SBF2: variants seen among roughly 807,000 people sequenced by gnomAD.
The protein encoded by SBF2 is SET binding factor 2.
Under a neutral mutation model 225.2 loss-of-function variants are expected in SBF2, and 112 were observed. That is an observed-to-expected ratio of 0.50 (90% confidence interval 0.43 to 0.58). The LOEUF (loss-of-function observed/expected upper bound fraction) is 0.58. SBF2 is among the 20% of genes least tolerant of loss of function. SBF2 has a pLI of 0.00. For synonymous variants in SBF2, 763 were observed against 773.3 expected, an observed-to-expected ratio of 0.99 and a Z score of 0.22; for missense variants, 1,996 against 2,206.2, an observed-to-expected ratio of 0.90 and a Z score of 1.91.
At chr11:10,162,998 G>A (rs1400618217) in intron 2 of SBF2, among the ~76,000 whole-genome samples, 3 of 152,054 alleles carry the variant, frequency 2.0e-5, no homozygotes, top group Non-Finnish European at 4.4e-5. Context: ...TATGTTTCAT[G>A]AAAATATCAG....
chr11:9,905,743 T>C (rs978309689), intron 16 of SBF2, among the ~76,000 whole-genome samples: 3 of 152,196 alleles, frequency 2.0e-5, no homozygotes, highest in Non-Finnish European at 4.4e-5. Flanking sequence ...ACATGAGTTT[T>C]ACATATAAAA....
At chr11:10,224,217 A>G (rs1958453294) in intron 1 of SBF2, among the ~76,000 whole-genome samples, 1 of 152,132 alleles carries the variant, frequency 6.6e-6, no homozygotes, top group Non-Finnish European at 1.5e-5. Flanking sequence ...TAATTTTCCA[A>G]TATAGTTATT....
chr11:9,809,722 T>C (rs1854066905), intron 30 of SBF2, among the ~76,000 whole-genome samples: 1 of 151,930 alleles, frequency 6.6e-6, no homozygotes, highest in Non-Finnish European at 1.5e-5. Context: ...TTTTTTGTAT[T>C]TTTAGTAGAG....
chr11:9,844,559 A>G (rs892922476), intron 24 of SBF2, among the ~76,000 whole-genome samples: 1 of 152,250 alleles, frequency 6.6e-6, no homozygotes, highest in African/African-American at 2.4e-5. Flanking sequence ...AAGGGTTCAT[A>G]CTAAAGAAAT....
chr11:9,855,220 G>A (rs1277871804), intron 19 of SBF2, among the ~76,000 whole-genome samples: 2 of 152,166 alleles, frequency 1.3e-5, no homozygotes, highest in Non-Finnish European at 2.9e-5. Context: ...AACTCTATAT[G>A]GGTGGGGGTA....
At chr11:10,263,782 A>T (rs1961675023) in intron 1 of SBF2, among the ~76,000 whole-genome samples, 1 of 152,196 alleles carries the variant, frequency 6.6e-6, no homozygotes, top group South Asian at 2.1e-4. Context: ...TCTCTGGAAT[A>T]TATTAAACAC....
Position 9,865,688 on chromosome 11 carries a change from C to CAAAAAAAAAAA in SBF2, c.1930-7303_1930-7293dup, listed in dbSNP as rs1174863548. Among the ~76,000 whole-genome samples the CAAAAAAAAAAA allele has an allele frequency of 4.7e-4, 7 of 14,842 alleles. 1 individual carries two copies. The highest frequency in any genetic ancestry group is 7.9e-4 in the African/African-American group (3 of 3,820). 9.7% of individuals were successfully genotyped at this position (14,842 alleles called of 152,430 possible). ...CCTGGATGACAGAGCAAAACTGTCT[C>CAAAAAAAAAAA]AAAAAAAAAAAAAAAAAAAAAAAAA... On this transcript the variant is annotated intron_variant, in intron 17 of 39. Coordinates refer to ENST00000256190, the MANE Select transcript of SBF2 (RefSeq NM_030962.4).
intron 2 of SBF2, among the ~76,000 whole-genome samples, chr11:10,073,811 G>A (rs1950987451): frequency 6.6e-6 from 1 of 152,142 alleles, no homozygotes; most frequent in Middle Eastern, 3.2e-3. Flanking sequence ...CAAACCAACT[G>A]TGAAAAGATA....
chr11:10,109,187 G>GTGTATATA (rs143518066), intron 2 of SBF2, among the ~76,000 whole-genome samples: 1 of 149,976 alleles, frequency 6.7e-6, no homozygotes, highest in Non-Finnish European at 1.5e-5. Flanking sequence ...AGGTATGTGT[G>GTGTATATA]TATATATATA....
intron 1 of SBF2, among the ~76,000 whole-genome samples, chr11:10,302,314 C>A (rs1348486447): frequency 6.6e-6 from 1 of 152,244 alleles, no homozygotes; most frequent in Admixed American, 6.5e-5. Context: ...ACCCACGAAG[C>A]TTTGGGGAGC....
At chr11:10,155,146 C>T (rs1264622027) in intron 2 of SBF2, among the ~76,000 whole-genome samples, 2 of 152,134 alleles carry the variant, frequency 1.3e-5, no homozygotes, top group Non-Finnish European at 2.9e-5. Flanking sequence ...ACATGGAAAA[C>T]ACGTTAGGCA....
chr11:9,815,189 C>T (rs556621165), intron 29 of SBF2, among the ~76,000 whole-genome samples: 33 of 150,970 alleles, frequency 2.2e-4, no homozygotes, highest in Non-Finnish European at 4.0e-4. Flanking sequence ...CCTGTAATCC[C>T]AGCACTTTGG....
At chr11:10,040,686 G>C (rs181008258) in intron 3 of SBF2, among the ~76,000 whole-genome samples, 8 of 151,676 alleles carry the variant, frequency 5.3e-5, no homozygotes, top group Non-Finnish European at 1.2e-4. Context: ...TACTGTTTAC[G>C]TACTGTTCAT....
At position 9,968,526 on chromosome 11, in the gene SBF2, A is replaced by T. The variant is rs1167422217; in HGVS notation, c.1415T>A (p.Met472Lys). The change falls in exon 14 of 40, where the codon ATG becomes AAG. Residue 472 changes from methionine to lysine, a missense_variant. Met to Lys is a moderately conservative substitution (Grantham distance 95, BLOSUM62 -1). Coordinates refer to ENST00000256190, the MANE Select transcript of SBF2 (RefSeq NM_030962.4). ...TGGCCGTGGAACTTTCTGGAATGCC[A>T]TATGAGGATTTGGATTCTCCTGTAA... is the stretch of plus-strand genomic sequence containing the variant. The part of the protein sequence containing the change: ...LFKNENPNPH[M>K]AFQKVPRPTE... 9 of 1,613,892 alleles carry T rather than the reference A, an allele frequency of 5.6e-6. No individual in the cohort carries two copies. The highest frequency in any genetic ancestry group is 7.6e-6 in the Non-Finnish European group (9 of 1,179,866).
chr11:9,916,518 G>A (rs1224186734), intron 16 of SBF2, among the ~76,000 whole-genome samples: 3 of 152,038 alleles, frequency 2.0e-5, no homozygotes, highest in Non-Finnish European at 4.4e-5. Context: ...CAGGTGGTCA[G>A]GATAGTAACA....
At chr11:10,003,449 G>T (rs1409102006) in intron 6 of SBF2, among the ~76,000 whole-genome samples, 1 of 151,218 alleles carries the variant, frequency 6.6e-6, no homozygotes, top group Non-Finnish European at 1.5e-5. Context: ...CTCACTGCAA[G>T]CTCTGCCTCC....
At chr11:9,815,515 G>A (rs1360398123) in intron 29 of SBF2, among the ~76,000 whole-genome samples, 1 of 151,822 alleles carries the variant, frequency 6.6e-6, no homozygotes, top group Non-Finnish European at 1.5e-5. Flanking sequence ...AAGAAAAAGA[G>A]GGCAGGAGGA....
At position 10,284,059 on chromosome 11, in the gene SBF2, C is replaced by T. The variant is rs1404755188; in HGVS notation, c.55+9956G>A. On this transcript the variant is annotated intron_variant, in intron 1 of 39. Coordinates refer to ENST00000256190, the MANE Select transcript of SBF2 (RefSeq NM_030962.4). ...TTAAAAAGATAGTAAGGGTATCTTT[C>T]TATCTTCCTTATAGCTTTTTAAATT... Among the ~76,000 whole-genome samples, 5 of 152,302 alleles carry T rather than the reference C, an allele frequency of 3.3e-5. No individual in the cohort carries two copies. In the East Asian group the frequency reaches 9.6e-4, roughly 29 times the overall value.
At chr11:9,819,126 A>G (rs1260171874) in intron 28 of SBF2, 3 of 152,248 alleles carry the variant, frequency 2.0e-5, no homozygotes, top group Non-Finnish European at 4.4e-5. Context: ...AGATGAGAAT[A>G]AAGGATATAA....
Sources: gnomAD v4.1 joint callset for allele counts (sites outside exome capture counted in the v4.1 genomes callset) on GRCh38, gnomAD v4.1.1 for gene constraint, MANE v1.5 for transcripts, NCBI Gene and HGNC (gene_info 2026-07-23, HGNC 2026-07-21) for gene names.